PCDH11X: variants seen among roughly 807,000 people sequenced by gnomAD.
PCDH11X encodes protocadherin-11 X-linked.
PCDH11X carries 18 observed loss-of-function variants against 53.3 expected under a neutral mutation model. The ratio of observed to expected loss-of-function variants is 0.34; its 90% CI spans 0.23 to 0.50. The LOEUF is 0.50. Among genes scored for constraint, PCDH11X ranks in the 20% least tolerant of loss-of-function variants. The pLI is 0.98. For missense variants in PCDH11X, 570 were observed against 1,032.4 expected, an observed-to-expected ratio of 0.55 and a Z score of 6.14; for synonymous variants, 279 against 393.3, an observed-to-expected ratio of 0.71 and a Z score of 3.44.
At chrX:92,451,471 A>T (rs1267689723) in intron 9 of PCDH11X, among the ~76,000 whole-genome samples, 1 of 111,319 alleles carries the variant, frequency 9.0e-6, no homozygotes, top group Non-Finnish European at 1.9e-5. Flanking sequence ...GTGTATGCAA[A>T]TTTTAAAAAC....
intron 9 of PCDH11X, among the ~76,000 whole-genome samples, chrX:92,402,726 T>C: frequency 9.0e-6 from 1 of 110,632 alleles, no homozygotes; most frequent in Non-Finnish European, 1.9e-5. Flanking sequence ...TGGCAAAGAT[T>C]TCAAGACCAC....
intron 8 of PCDH11X, among the ~76,000 whole-genome samples, chrX:92,332,137 A>G (rs1194949701): frequency 1.8e-5 from 2 of 112,103 alleles, no homozygotes; most frequent in Non-Finnish European, 3.8e-5. Flanking sequence ...CCATTTGCAA[A>G]TTATCTGCTG....
intron 8 of PCDH11X, among the ~76,000 whole-genome samples, chrX:92,343,049 A>G (rs927297740): frequency 8.9e-6 from 1 of 112,070 alleles, no homozygotes; most frequent in African/African-American, 3.2e-5. Context: ...TATAATCAGA[A>G]TCACGATGAA....
At chrX:92,192,523 A>G (rs1386729018) in intron 6 of PCDH11X, among the ~76,000 whole-genome samples, 2 of 106,440 alleles carry the variant, frequency 1.9e-5, no homozygotes, top group African/African-American at 6.9e-5. Flanking sequence ...TTTTTTTTGT[A>G]TTTTTAGTAG....
intron 6 of PCDH11X, among the ~76,000 whole-genome samples, chrX:91,892,049 G>T (rs1166306690): frequency 1.4e-4 from 14 of 97,823 alleles, no homozygotes; most frequent in Non-Finnish European, 2.0e-5. Context: ...GTGTGTGTTA[G>T]AGAGAGAGAG....
At chrX:91,854,821 T>A (rs973099161) in intron 5 of PCDH11X, among the ~76,000 whole-genome samples, 3 of 112,171 alleles carry the variant, frequency 2.7e-5, no homozygotes, top group Non-Finnish European at 5.6e-5. Context: ...TCAAATCTTT[T>A]GCCCATTTTT....
At chrX:92,400,278 T>G (rs964667070) in intron 9 of PCDH11X, among the ~76,000 whole-genome samples, 1 of 111,397 alleles carries the variant, frequency 9.0e-6, no homozygotes, top group Non-Finnish European at 1.9e-5. Flanking sequence ...GCAGGTGAAG[T>G]CATTGTGATT....
At chrX:91,835,418 T>C in intron 4 of PCDH11X, 43 bp from the exon 5 acceptor site, 1 of 1,210,584 alleles carries the variant, frequency 8.3e-7, no homozygotes. Context: ...GGCTTCTTAA[T>C]AATTTCTTCT....
chrX:92,232,008 G>C (rs1364551189), intron 7 of PCDH11X, among the ~76,000 whole-genome samples: 1 of 111,603 alleles, frequency 9.0e-6, no homozygotes, highest in Non-Finnish European at 1.9e-5. Context: ...GGAACTATTC[G>C]GAGGGAAGGG....
At chrX:92,227,128 C>G (rs1603211941) in intron 7 of PCDH11X, among the ~76,000 whole-genome samples, 1 of 111,506 alleles carries the variant, frequency 9.0e-6, no homozygotes, top group African/African-American at 3.3e-5. Context: ...GCTGTAATAG[C>G]AAATTTCCTC....
rs1232778226 is a variant in PCDH11X at position 91,879,173 on chromosome X, T to C, written c.2933T>C (p.Ile978Thr). 2.5e-6 allele frequency: 3 copies of C among 1,211,467 alleles called. No homozygotes were observed. Among genetic ancestry groups the C allele is most frequent in the African/African-American group, 3.5e-5 (2 of 57,702 alleles). ...LDNTFVACDS[I>T]SKCSSSSSDP... ...AACACCTTTGTGGCCTGTGACTCTATCTCCAAGTGTTCCTCAAGCAGTTCA... is the reference window on the plus strand; with the variant it reads ...AACACCTTTGTGGCCTGTGACTCTACCTCCAAGTGTTCCTCAAGCAGTTCA... The change falls in exon 6 of 11, where the codon ATC becomes ACC. Residue 978 changes from isoleucine (I) to threonine (T), a missense_variant. Coordinates refer to ENST00000682573, the MANE Select transcript of PCDH11X (RefSeq NM_032968.5).
At chrX:91,886,995 A>G (rs1361430312) in intron 6 of PCDH11X, among the ~76,000 whole-genome samples, 5 of 104,995 alleles carry the variant, frequency 4.8e-5, no homozygotes, top group African/African-American at 1.8e-4. Context: ...AAGAAAAGAA[A>G]AGAAAAGAAA....
At chrX:91,903,919 A>C (rs1941054956) in intron 6 of PCDH11X, among the ~76,000 whole-genome samples, 1 of 110,151 alleles carries the variant, frequency 9.1e-6, no homozygotes, top group East Asian at 2.9e-4. Context: ...GATCAAGTAG[A>C]GTATATTTTC....
At chrX:92,057,351 A>G (rs1001789342) in intron 6 of PCDH11X, among the ~76,000 whole-genome samples, 1 of 110,592 alleles carries the variant, frequency 9.0e-6, no homozygotes, top group African/African-American at 3.3e-5. Context: ...GAATGCTGTC[A>G]TAGGAGTTTT....
intron 4 of PCDH11X, among the ~76,000 whole-genome samples, chrX:91,815,156 C>T (rs992947688): frequency 9.0e-6 from 1 of 111,032 alleles, no homozygotes; most frequent in African/African-American, 3.3e-5. Context: ...TAAAACAAGA[C>T]CATCTAACTC....
At chrX:92,482,637 G>C (rs1440189505) in intron 10 of PCDH11X, among the ~76,000 whole-genome samples, 3 of 111,329 alleles carry the variant, frequency 2.7e-5, no homozygotes. Context: ...CTGTGAAGAT[G>C]ATAAGCCAGG....
chrX:92,252,812 A>G (rs1400048027), intron 7 of PCDH11X, among the ~76,000 whole-genome samples: 2 of 110,689 alleles, frequency 1.8e-5, no homozygotes, highest in Admixed American at 1.9e-4. Context: ...TAGTGTCTTT[A>G]TCCTCCAGAA....
At chrX:92,317,256 T>C (rs1406335893) in intron 8 of PCDH11X, among the ~76,000 whole-genome samples, 1 of 106,257 alleles carries the variant, frequency 9.4e-6, no homozygotes, top group Non-Finnish European at 1.9e-5. Context: ...GATTTGTCTT[T>C]AGAGAGTCCT....
chrX:92,172,972 T>C (rs2065847234), intron 6 of PCDH11X, among the ~76,000 whole-genome samples: 1 of 111,904 alleles, frequency 8.9e-6, no homozygotes, highest in African/African-American at 3.2e-5. Context: ...TAAGGTGTTT[T>C]TTCATAAAAT....
Sources: allele counts gnomAD v4.1 joint callset (sites outside exome capture counted in the v4.1 genomes callset), GRCh38; gene constraint gnomAD v4.1.1; transcripts MANE v1.5; gene names NCBI Gene and HGNC (gene_info 2026-07-23, HGNC 2026-07-21).